CFH: variants seen among roughly 807,000 people sequenced by gnomAD.
CFH encodes H factor 1 (complement).
CFH carries 53 observed loss-of-function variants against 147.3 expected under a neutral mutation model. The observed-to-expected ratio is 0.36, with a 90% CI of 0.29 to 0.45. The LOEUF is 0.45. CFH is among the 20% of genes least tolerant of loss of function. CFH has a pLI of 1.00. For missense variants in CFH, 1,380 were observed against 1,498.0 expected, an observed-to-expected ratio of 0.92 and a Z score of 1.30; for synonymous variants, 536 against 489.4, an observed-to-expected ratio of 1.10 and a Z score of -1.26.
chr1:196,684,717 C>A (rs966127869), intron 6 of CFH, among the ~76,000 whole-genome samples: 2 of 151,946 alleles, frequency 1.3e-5, no homozygotes, highest in African/African-American at 4.8e-5. Flanking sequence ...TATTTGTAAA[C>A]AATCCTTATG....
chr1:196,728,786 AC>A (rs1436280454), intron 15 of CFH, among the ~76,000 whole-genome samples: 1 of 151,636 alleles, frequency 6.6e-6, no homozygotes, highest in East Asian at 1.9e-4. Context: ...TGTCATCATT[AC>A]TGTTGGAGGA....
chr1:196,741,446 C>G (rs184219788), intron 18 of CFH: 1 of 220,662 alleles, frequency 4.5e-6, no homozygotes, highest in African/African-American at 2.4e-5. Context: ...TGTGAGAACT[C>G]ACTCACCATC....
chr1:196,714,666 T>TAGAG (rs1668817031), intron 10 of CFH, among the ~76,000 whole-genome samples: 12 of 28,352 alleles, frequency 4.2e-4, no homozygotes, highest in Admixed American at 1.1e-3. Context: ...TATATATATA[T>TAGAG]ATAGAGAGAG....
chr1:196,660,309 GGAGATTTAACATGAT>G (rs1327410427), intron 1 of CFH, among the ~76,000 whole-genome samples: 6 of 152,160 alleles, frequency 3.9e-5, no homozygotes, highest in Non-Finnish European at 7.3e-5. Flanking sequence ...TAAATACATG[GGAGATTTAACATGAT>G]GAGATCCGAG....
chr1:196,708,848 T>A (rs574116237), intron 9 of CFH, among the ~76,000 whole-genome samples: 1 of 152,260 alleles, frequency 6.6e-6, no homozygotes, highest in South Asian at 2.1e-4. Flanking sequence ...CATATATCAA[T>A]ATATCTGGTG....
At chr1:196,729,910 T>A (rs1461494068) in intron 15 of CFH, among the ~76,000 whole-genome samples, 8 of 151,954 alleles carry the variant, frequency 5.3e-5, no homozygotes, top group Non-Finnish European at 1.2e-4. Flanking sequence ...TACTTTGTAT[T>A]TTTTTGATAT....
At position 196,677,545 on chromosome 1, in the gene CFH, G is replaced by A. The variant is rs770339409; in HGVS notation, c.497G>A (p.Arg166Gln). The change falls in exon 5 of 22, where the codon CGG (arginine) becomes CAG (glutamine). Residue 166 changes from arginine (R) to glutamine (Q), a missense_variant. Around this residue, in one of 4 missense-constraint regions of CFH, gnomAD observed 260 missense variants for 263.3 expected, o/e 0.99. Transcript: ENST00000367429. ...GTCAGTAGTGCAATGGAACCAGATC[G>A]GGAATACCATTTTGGACAAGCAGTA... The part of the protein sequence containing the change: ...KIVSSAMEPD[R>Q]EYHFGQAVRF... 96 of 1,613,030 alleles carry A rather than the reference G, an allele frequency of 6.0e-5. No individual in the cohort carries two copies. Among genetic ancestry groups the A allele is most frequent in the Non-Finnish European group, 6.5e-5 (77 of 1,179,446 alleles).
chr1:196,695,572 A>G (rs912178546), intron 9 of CFH, among the ~76,000 whole-genome samples: 2 of 152,124 alleles, frequency 1.3e-5, no homozygotes, highest in African/African-American at 2.4e-5. Context: ...TGGGAATAGC[A>G]TTGTATGTAT....
chr1:196,662,838 A>ACCACTGCACT (rs1238683266), intron 1 of CFH, among the ~76,000 whole-genome samples: 1 of 151,970 alleles, frequency 6.6e-6, no homozygotes, highest in Non-Finnish European at 1.5e-5. Flanking sequence ...CTAAAATCAC[A>ACCACTGCACT]CCACTGCACT....
intron 9 of CFH, among the ~76,000 whole-genome samples, chr1:196,697,183 C>G (rs980816092): frequency 6.6e-6 from 1 of 152,138 alleles, no homozygotes; most frequent in African/African-American, 2.4e-5. Context: ...AGAGCTTCTG[C>G]ACAGCAAAAG....
At chr1:196,668,648 G>A (rs558062997) in intron 1 of CFH, among the ~76,000 whole-genome samples, 23 of 152,220 alleles carry the variant, frequency 1.5e-4, no homozygotes, top group African/African-American at 5.1e-4. Context: ...TAAGCATCTG[G>A]CATTTCCCCA....
intron 9 of CFH, chr1:196,692,490 C>G (rs537603095): frequency 4.5e-6 from 1 of 220,838 alleles, no homozygotes; most frequent in African/African-American, 2.3e-5. Flanking sequence ...GTAGAATCAA[C>G]TACTTATTTT....
intron 12 of CFH, among the ~76,000 whole-genome samples, chr1:196,725,560 T>C (rs1669115658): frequency 6.6e-6 from 1 of 152,186 alleles, no homozygotes; most frequent in African/African-American, 2.4e-5. Flanking sequence ...TTTATGTTTC[T>C]ATAAAGGAAT....
At chr1:196,700,161 G>T (rs1668408126) in intron 9 of CFH, among the ~76,000 whole-genome samples, 1 of 152,050 alleles carries the variant, frequency 6.6e-6, no homozygotes, top group Non-Finnish European at 1.5e-5. Context: ...ATCAATTGAT[G>T]ACCTCAATTT....
chr1:196,714,693 A>AGG, intron 10 of CFH, among the ~76,000 whole-genome samples: 1 of 115,128 alleles, frequency 8.7e-6, no homozygotes, highest in African/African-American at 3.3e-5. Flanking sequence ...AGAGAGAGAG[A>AGG]GAGAGAGAGA....
intron 6 of CFH, among the ~76,000 whole-genome samples, chr1:196,680,219 A>C (rs1667602737): frequency 6.6e-6 from 1 of 151,624 alleles, no homozygotes; most frequent in African/African-American, 2.4e-5. Flanking sequence ...GAAACTCTCA[A>C]CTGACAATGG....
Position 196,689,706 on chromosome 1 carries a change from A to G in CFH, c.1159+92A>G, listed in dbSNP as rs940136337. 5.1e-6 allele frequency: 7 copies of G among 1,375,506 alleles called. No individual in the cohort carries two copies. The African/African-American group carries it at 1.0e-4, about 20-fold the overall frequency. The allele number at this position is 1,375,506 out of a possible 1,614,324, so 85.2% of individuals were successfully genotyped here. ...ATAAGTGATTACACCTGTCTTATGT[A>G]ACAGAAATAGGGCCAAGAAAAGAGT... On this transcript the variant is annotated intron_variant, in intron 8 of 21. Transcript: ENST00000367429.
intron 19 of CFH, 43 bp downstream of exon 19, chr1:196,742,094 G>T: frequency 6.3e-7 from 1 of 1,593,454 alleles, no homozygotes; most frequent in Non-Finnish European, 8.6e-7. Flanking sequence ...TAATGTGTGG[G>T]CCCAGCCCAG....
At chr1:196,711,089 G>T (rs1297602357) in intron 9 of CFH, among the ~76,000 whole-genome samples, 1 of 151,886 alleles carries the variant, frequency 6.6e-6, no homozygotes, top group African/African-American at 2.4e-5. Flanking sequence ...TTCTGATTTA[G>T]TCTGTCTAAA....
Sources: allele counts gnomAD v4.1 joint callset (sites outside exome capture counted in the v4.1 genomes callset), GRCh38; gene constraint gnomAD v4.1.1; regional missense constraint gnomAD v4.1.1; transcripts MANE v1.5; gene names NCBI Gene and HGNC (gene_info 2026-07-23, HGNC 2026-07-21).